The following SLC15A3 variants were observed in gnomAD, a reference collection of about 807,000 sequenced individuals.
SLC15A3 encodes the protein osteoclast transporter.
A neutral mutation model predicts 49.2 loss-of-function variants in SLC15A3; 39 were observed. The ratio of observed to expected loss-of-function variants is 0.79; its 90% CI spans 0.61 to 1.04. The LOEUF (loss-of-function observed/expected upper bound fraction) is 1.04. Among genes scored for constraint, SLC15A3 ranks in the 50% least tolerant of loss-of-function variants. The pLI, the probability that SLC15A3 is intolerant of heterozygous loss-of-function variation, is 0.00. For missense variants in SLC15A3, 758 were observed against 794.8 expected (o/e 0.95, Z 0.56); for synonymous variants, 339 against 367.0 (o/e 0.92, Z 0.87).
chr11:60,938,263 A>G, intron 6 of SLC15A3: 1 of 483,550 alleles, frequency 2.1e-6, no homozygotes, highest in South Asian at 3.5e-5. Flanking sequence ...CGCTGCCCCA[A>G]TAGCTCTGTC....
intron 6 of SLC15A3, chr11:60,938,248 C>A: frequency 1.9e-6 from 1 of 527,690 alleles, no homozygotes; most frequent in African/African-American, 1.9e-5. Flanking sequence ...CCGGGGTACT[C>A]CATGCGCTGC....
intron 2 of SLC15A3, among the ~76,000 whole-genome samples, chr11:60,945,091 G>A (rs1354906421): frequency 6.6e-6 from 1 of 152,154 alleles, no homozygotes; most frequent in Non-Finnish European, 1.5e-5. Flanking sequence ...CAGAAGTGGT[G>A]GTCTGGGACT....
rs1554986438 is a variant in SLC15A3 at position 60,949,564 on chromosome 11, G to GAAAGAAAGAAAGAAAGA, written c.558+1429_558+1430insTCTTTCTTTCTTTCTTT. 4.8e-3 allele frequency among the ~76,000 whole-genome samples: 566 copies of GAAAGAAAGAAAGAAAGA among 117,984 alleles called. 50 individuals carry two copies. Among genetic ancestry groups the GAAAGAAAGAAAGAAAGA allele is most frequent in the East Asian group, 0.024 (92 of 3,780 alleles). The allele number at this position is 117,984 out of a possible 152,430, so 77.4% of individuals were successfully genotyped here. A position where few individuals can be genotyped will look rare whatever the true frequency, so the allele number is the denominator to read the frequency against. ...AGAAAGAAAGAAAGAAAGAAAGAAA[G>GAAAGAAAGAAAGAAAGA]AAAGAAAAGAGATGGCCAGGGCTGG... On this transcript the variant is annotated intron_variant, in intron 1 of 7. Coordinates refer to ENST00000227880, the MANE Select transcript of SLC15A3 (RefSeq NM_016582.3).
intron 5 of SLC15A3, 116 bp downstream of exon 5, chr11:60,941,006 C>T (rs775556554): frequency 1.0e-5 from 12 of 1,174,028 alleles, no homozygotes; most frequent in South Asian, 1.8e-5. Context: ...CCAACACTGA[C>T]GCCCACTGGG....
intron 1 of SLC15A3, among the ~76,000 whole-genome samples, chr11:60,947,148 TC>T (rs1856816160): frequency 7.9e-5 from 12 of 151,738 alleles, no homozygotes; most frequent in Admixed American, 7.2e-4. Context: ...GGTTGATTTA[TC>T]CCTTTGTTTT....
At position 60,943,781 on chromosome 11, in the gene SLC15A3, A is replaced by G. The variant is rs542472672; in HGVS notation, c.904T>C (p.Ser302Pro). 8.7e-6 allele frequency: 14 copies of G among 1,603,454 alleles called. No homozygotes were observed. In the South Asian group the frequency reaches 1.3e-4, roughly 15 times the overall value. Residue 302 changes from serine to proline, a missense_variant, in exon 3 of 8, where the codon TCC (serine) becomes CCC (proline). Ser to Pro is a moderately conservative substitution (Grantham distance 74, BLOSUM62 -1). This residue lies in a region of SLC15A3 where 699 missense variants were observed against 706.7 expected (regional missense o/e 0.99). Transcript: ENST00000227880. Reference sequence around the variant, plus strand: ...AAGTTGGCGATGTCCTCTTGCGGGGAAGCCCCTGGCTGGGGAGACCTCTCG... The same window carrying G: ...AAGTTGGCGATGTCCTCTTGCGGGGGAGCCCCTGGCTGGGGAGACCTCTCG... ...ADERSPQPGA[S>P]PQEDIANFQV...
intron 6 of SLC15A3, among the ~76,000 whole-genome samples, chr11:60,939,259 T>C (rs1856675016): frequency 1.3e-5 from 2 of 152,160 alleles, no homozygotes. Context: ...GTGGGAAGTT[T>C]CTTGCTCGCC....
At position 60,952,028 on chromosome 11, in the gene SLC15A3, T is replaced by C. The variant is rs967180175; in HGVS notation, c.-477A>G. Among the ~76,000 whole-genome samples, 2 of 151,438 alleles carry C rather than the reference T, an allele frequency of 1.3e-5. No individual in the cohort carries two copies. The highest frequency in any genetic ancestry group is 2.9e-5 in the Non-Finnish European group (2 of 67,860). On this transcript the variant is annotated 5_prime_UTR_variant, in exon 1 of 8. Transcript: ENST00000227880. Reference sequence around the variant, plus strand: ...CCCTGGGCGTGGGGTGGGGGCTCCCTCTGCCCCAGTCACCCTGCTGCCCCT... The same window carrying C: ...CCCTGGGCGTGGGGTGGGGGCTCCCCCTGCCCCAGTCACCCTGCTGCCCCT...
At chr11:60,944,144 G>A (rs1856767647) in intron 2 of SLC15A3, among the ~76,000 whole-genome samples, 2 of 152,166 alleles carry the variant, frequency 1.3e-5, no homozygotes. Context: ...GGGCAACAGA[G>A]CCAGACTCCC....
intron 4 of SLC15A3, 48 bp from the exon 5 acceptor site, chr11:60,941,338 C>A: frequency 6.4e-7 from 1 of 1,567,652 alleles, no homozygotes; most frequent in Admixed American, 1.8e-5. Context: ...GTGCAAGGAG[C>A]CTGGCTGCAG....
intron 5 of SLC15A3, 147 bp from the exon 6 acceptor site, chr11:60,939,785 T>C: frequency 1.1e-6 from 1 of 909,058 alleles, no homozygotes; most frequent in South Asian, 1.8e-5. Context: ...GACTGGGGGG[T>C]GGAGGAGGGG....
Position 60,948,619 on chromosome 11 carries a change from G to A in SLC15A3, c.559-1798C>T, listed in dbSNP as rs1331732950. On this transcript the variant is annotated intron_variant, in intron 1 of 7. Coordinates refer to ENST00000227880, the MANE Select transcript of SLC15A3 (RefSeq NM_016582.3). ...TAACCCATATGCTATCTACACTGCA[G>A]CCGGAGCCATTTTTGAAGAGCTCAA... 3.3e-5 allele frequency among the ~76,000 whole-genome samples: 5 copies of A among 151,150 alleles called. No individual in the cohort carries two copies. In the East Asian group the frequency reaches 9.7e-4, roughly 29 times the overall value.
chr11:60,937,597 C>A (rs1724835728), intron 7 of SLC15A3: 7 of 721,144 alleles, frequency 9.7e-6, no homozygotes, highest in South Asian at 6.6e-5. Context: ...AATATAAACA[C>A]CATGAGAAAG....
chr11:60,950,623 A>G (rs1856897414), intron 1 of SLC15A3, among the ~76,000 whole-genome samples: 2 of 151,786 alleles, frequency 1.3e-5, no homozygotes, highest in Non-Finnish European at 2.9e-5. Flanking sequence ...TACTTAAAAA[A>G]AAAAAAAAAT....
Position 60,951,723 on chromosome 11 carries a change from T to G in SLC15A3, c.-172A>C. ...CCTGTCCCCTCTCCCTTTCTTGCCC[T>G]ACCCTTCCTGTCCCTCCGCTCACTA... On this transcript the variant is annotated 5_prime_UTR_variant, in exon 1 of 8. Coordinates refer to ENST00000227880, the MANE Select transcript of SLC15A3 (RefSeq NM_016582.3). 2 of 326,010 alleles carry G rather than the reference T, an allele frequency of 6.1e-6. No individual in the cohort carries two copies. Among genetic ancestry groups the G allele is most frequent in the Non-Finnish European group, 9.0e-6 (2 of 222,304 alleles). 20.2% of individuals were successfully genotyped at this position (326,010 alleles called of 1,614,324 possible). A position where few individuals can be genotyped will look rare whatever the true frequency, so the allele number is the denominator to read the frequency against.
In SLC15A3 at chr11:60,951,790, T is replaced by G; in HGVS notation, c.-239A>C. 5.3e-6 allele frequency: 1 copy of G among 187,718 alleles called. No individual in the cohort carries two copies. The allele number at this position is 187,718 out of a possible 1,614,324, so 11.6% of individuals were successfully genotyped here. On this transcript the variant is annotated 5_prime_UTR_variant, in exon 1 of 8. Transcript: ENST00000227880. ...TCCTCCCTAATTCTCAACTCCCCTC[T>G]CCCTTCCCCCACCCCTAAGGCTTCC...
intron 1 of SLC15A3, among the ~76,000 whole-genome samples, chr11:60,949,138 C>T (rs1453175942): frequency 6.6e-6 from 1 of 151,936 alleles, no homozygotes; most frequent in Non-Finnish European, 1.5e-5. Context: ...GAGTCAAGAC[C>T]AGCCTGGCCA....
At chr11:60,945,003 C>T (rs910054233) in intron 2 of SLC15A3, among the ~76,000 whole-genome samples, 1 of 152,198 alleles carries the variant, frequency 6.6e-6, no homozygotes, top group Non-Finnish European at 1.5e-5. Flanking sequence ...GCCATTTTGC[C>T]ACCAACAGGT....
rs1186916971 is a variant in SLC15A3 at position 60,946,515 on chromosome 11, C to T, written c.848+17G>A. On this transcript the variant is annotated intron_variant, in intron 2 of 7. Transcript: ENST00000227880. ...CTCCAGGCTTGGAGGCTCCCTGCAC[C>T]CAGAGCCCCTCCTTACCTGGCCGAG... 6.5e-6 allele frequency: 10 copies of T among 1,536,728 alleles called. No individual in the cohort carries two copies. In the Admixed American group the frequency reaches 1.8e-4, roughly 27 times the overall value.
Sources: gnomAD v4.1 joint callset for allele counts (sites outside exome capture counted in the v4.1 genomes callset) on GRCh38, gnomAD v4.1.1 for gene constraint, gnomAD v4.1.1 regional missense constraint, MANE v1.5 for transcripts, NCBI Gene and HGNC (gene_info 2026-07-23, HGNC 2026-07-21) for gene names.